ACOT12: variants seen among roughly 807,000 people sequenced by gnomAD.
ACOT12 encodes the protein acetyl-coenzyme A thioesterase.
A neutral mutation model predicts 67.7 loss-of-function variants in ACOT12; 51 were observed. The ratio of observed to expected loss-of-function variants is 0.75; its 90% CI spans 0.60 to 0.95. The LOEUF (loss-of-function observed/expected upper bound fraction) is 0.95, where lower values mean the gene tolerates loss of function less well. Ranked by LOEUF, ACOT12 falls within the 40% of genes least tolerant of loss-of-function variation. ACOT12 has a pLI of 0.00. For synonymous variants in ACOT12, 251 were observed against 244.6 expected (o/e 1.03, Z -0.24); for missense variants, 734 against 708.1 (o/e 1.04, Z -0.41).
chr5:81,344,801 C>T lies in ACOT12; in HGVS notation c.924+90G>A. 4.7e-6 allele frequency: 7 copies of T among 1,501,358 alleles called. No homozygotes were observed. In the South Asian group the frequency reaches 8.5e-5, roughly 18 times the overall value. The allele number at this position is 1,501,358 out of a possible 1,614,324, so 93.0% of individuals were successfully genotyped here. A position where few individuals can be genotyped will look rare whatever the true frequency, so the allele number is the denominator to read the frequency against. ...AAGAGGGAAAACCAAAGGGAAAGAG[C>T]CAAAGAGGTTGTTGCCGGTGGGAGG... On this transcript the variant is annotated intron_variant, in intron 8 of 14. Coordinates refer to ENST00000307624, the MANE Select transcript of ACOT12 (RefSeq NM_130767.3).
intron 12 of ACOT12, among the ~76,000 whole-genome samples, chr5:81,334,324 C>G (rs1758926649): frequency 1.3e-5 from 2 of 152,298 alleles, no homozygotes; most frequent in African/African-American, 4.8e-5. Flanking sequence ...ACTGAAAGAG[C>G]GCATCGTAAC....
intron 6 of ACOT12, among the ~76,000 whole-genome samples, chr5:81,346,887 G>C (rs1386517238): frequency 6.6e-6 from 1 of 152,190 alleles, no homozygotes; most frequent in East Asian, 1.9e-4. Flanking sequence ...CAGAAGGGCA[G>C]ATCCTATTCA....
the ACOT12 span, among the ~76,000 whole-genome samples, chr5:81,323,887 T>TAC: frequency 7.2e-6 from 1 of 139,238 alleles, no homozygotes; most frequent in East Asian, 2.0e-4. Context: ...TATATATGTA[T>TAC]ACATATATAC....
chr5:81,348,540 C>T (rs1044376540), intron 5 of ACOT12, among the ~76,000 whole-genome samples: 1 of 152,146 alleles, frequency 6.6e-6, no homozygotes, highest in Non-Finnish European at 1.5e-5. Context: ...AGGAAAGACA[C>T]AATCTGTTAT....
intron 4 of ACOT12, among the ~76,000 whole-genome samples, chr5:81,361,594 C>A (rs1387587912): frequency 2.0e-5 from 3 of 152,146 alleles, no homozygotes; most frequent in Non-Finnish European, 4.4e-5. Context: ...CTCCTGAAAC[C>A]AAGATACCTC....
the ACOT12 span, among the ~76,000 whole-genome samples, chr5:81,319,581 G>T: frequency 6.6e-6 from 1 of 152,182 alleles, no homozygotes; most frequent in Non-Finnish European, 1.5e-5. Context: ...GCTGGGCGTT[G>T]TGGTGCATGC....
At chr5:81,362,583 T>C (rs1347892184) in intron 4 of ACOT12, among the ~76,000 whole-genome samples, 1 of 152,158 alleles carries the variant, frequency 6.6e-6, no homozygotes, top group Non-Finnish European at 1.5e-5. Flanking sequence ...TTGCAAGGTG[T>C]ATTCCTTTGT....
chr5:81,393,694 GA>G (rs1341375419), intron 1 of ACOT12, among the ~76,000 whole-genome samples: 1 of 150,774 alleles, frequency 6.6e-6, no homozygotes. Context: ...TCCAGCCCGG[GA>G]GAGAGCTCAA....
At position 81,385,756 on chromosome 5, in the gene ACOT12, C is replaced by G. The variant is rs376557219; in HGVS notation, c.197+1G>C. The G allele has an allele frequency of 5.6e-6, 9 of 1,613,916 alleles. No homozygotes were observed. In the African/African-American group the frequency reaches 1.1e-4, roughly 19 times the overall value. On this transcript the variant is annotated splice_donor_variant, in intron 2 of 14. Coordinates refer to ENST00000307624, the MANE Select transcript of ACOT12 (RefSeq NM_130767.3). LOFTEE classifies it high-confidence loss of function. The stretch of plus-strand genomic sequence containing the variant: ...AGGAGCCATGGAGCAATGTCACTTA[C>G]CTAGCTGTCTCCTCAAACTGTATGT...
chr5:81,324,429 A>C, the ACOT12 span, among the ~76,000 whole-genome samples: 1 of 152,290 alleles, frequency 6.6e-6, no homozygotes, highest in Non-Finnish European at 1.5e-5. Flanking sequence ...GGAAATACTG[A>C]CTTTGAGATG....
chr5:81,362,521 T>C (rs556967159), intron 4 of ACOT12, among the ~76,000 whole-genome samples: 15 of 152,266 alleles, frequency 9.9e-5, no homozygotes, highest in African/African-American at 3.1e-4. Flanking sequence ...AGTCTGAGGC[T>C]GGAGGGGGAA....
intron 4 of ACOT12, among the ~76,000 whole-genome samples, chr5:81,360,902 A>C (rs963646030): frequency 3.3e-5 from 5 of 151,626 alleles, no homozygotes; most frequent in African/African-American, 1.2e-4. Context: ...ACACGTTGAA[A>C]CACTGTCTGT....
intron 13 of ACOT12, among the ~76,000 whole-genome samples, chr5:81,331,372 T>A (rs993576423): frequency 6.6e-6 from 1 of 152,152 alleles, no homozygotes; most frequent in South Asian, 2.1e-4. Context: ...ACTCCATCTC[T>A]ACTAAAAATA....
At chr5:81,312,446 C>T in the ACOT12 span, 1 of 872,752 alleles carries the variant, frequency 1.1e-6, no homozygotes, top group South Asian at 1.6e-5. Flanking sequence ...TGTGATTATT[C>T]ATATCAAAAT....
At chr5:81,323,866 GTA>G in the ACOT12 span, among the ~76,000 whole-genome samples, 1 of 141,372 alleles carries the variant, frequency 7.1e-6, no homozygotes, top group African/African-American at 2.5e-5. Flanking sequence ...ATATGCATAT[GTA>G]TATATGTGTA....
intron 2 of ACOT12, among the ~76,000 whole-genome samples, chr5:81,372,147 C>G (rs990851060): frequency 3.3e-5 from 5 of 152,086 alleles, no homozygotes; most frequent in Non-Finnish European, 5.9e-5. Context: ...AATACACCAG[C>G]AAATCTATAC....
At chr5:81,322,367 A>G in the ACOT12 span, among the ~76,000 whole-genome samples, 1 of 151,912 alleles carries the variant, frequency 6.6e-6, no homozygotes, top group East Asian at 1.9e-4. Context: ...CTTTAATATT[A>G]TTTAATATTA....
rs549452779 is a variant in ACOT12 at position 81,340,060 on chromosome 5, T to A, written c.1128+2612A>T. Among the ~76,000 whole-genome samples, 119 of 151,752 alleles carry A rather than the reference T, an allele frequency of 7.8e-4. 1 individual carries two copies. The South Asian group carries it at 0.025, about 31-fold the overall frequency. On this transcript the variant is annotated intron_variant, in intron 11 of 14. Transcript: ENST00000307624. ...TATGATTCTTTTTTTTTTTTTGATA[T>A]AGGGTCTCACTCTGTTGCCCAGGCT...
At chr5:81,314,266 C>T in the ACOT12 span, among the ~76,000 whole-genome samples, 1 of 152,060 alleles carries the variant, frequency 6.6e-6, no homozygotes, top group East Asian at 1.9e-4. Context: ...CACCACACCC[C>T]GCTAATTTTT....
Sources: allele counts gnomAD v4.1 joint callset (sites outside exome capture counted in the v4.1 genomes callset), GRCh38; gene constraint gnomAD v4.1.1; transcripts MANE v1.5; gene names NCBI Gene and HGNC (gene_info 2026-07-23, HGNC 2026-07-21).